Variants in GAB1 observed in about 807,000 individuals in gnomAD.
The protein encoded by GAB1 is GRB2 associated binding protein 1, also known as GRB2-associated-binding protein 1.
GAB1 carries 19 observed loss-of-function variants against 66.5 expected under a neutral mutation model. The observed-to-expected ratio is 0.29, with a 90% CI of 0.20 to 0.42. The LOEUF is 0.42. Among genes scored for constraint, GAB1 ranks in the 10% least tolerant of loss-of-function variants. The pLI is 1.00. For synonymous variants in GAB1, 294 were observed against 301.4 expected (o/e 0.98, Z 0.25); for missense variants, 732 against 858.5 (o/e 0.85, Z 1.84).
At chr4:143,399,152 G>A (rs994397443) in intron 1 of GAB1, among the ~76,000 whole-genome samples, 6 of 152,080 alleles carry the variant, frequency 3.9e-5, no homozygotes, top group African/African-American at 9.7e-5. Flanking sequence ...AGTTATTCAC[G>A]TCTAGGACAT....
At chr4:143,467,717 G>A (rs375542600) in intron 9 of GAB1, among the ~76,000 whole-genome samples, 12 of 152,146 alleles carry the variant, frequency 7.9e-5, no homozygotes, top group African/African-American at 2.7e-4. Context: ...GAACCAGGAG[G>A]TGCTACCATC....
At chr4:143,389,551 G>A (rs1320213317) in intron 1 of GAB1, among the ~76,000 whole-genome samples, 4 of 152,058 alleles carry the variant, frequency 2.6e-5, no homozygotes, top group Admixed American at 2.0e-4. Flanking sequence ...AAAGTGCAGG[G>A]GTCTCTTTTC....
intron 1 of GAB1, among the ~76,000 whole-genome samples, chr4:143,407,132 A>G (rs1244151641): frequency 6.6e-6 from 1 of 152,156 alleles, no homozygotes; most frequent in South Asian, 2.1e-4. Flanking sequence ...GAAACTATAC[A>G]ATATTACCTA....
intron 1 of GAB1, among the ~76,000 whole-genome samples, chr4:143,405,250 G>T (rs138869479): frequency 6.6e-6 from 1 of 152,072 alleles, no homozygotes; most frequent in Admixed American, 6.6e-5. Flanking sequence ...GAGAGACTAT[G>T]TAACTGTGTA....
chr4:143,460,501 T>G lies in GAB1; in HGVS notation c.1803+14T>G, dbSNP rs922140244. Reference sequence around the variant, plus strand: ...AGTGAAGACCCAGTATGTAAAGTTTTAACTTTTCCCTTTCTGAGCAGCCCT... The same window carrying G: ...AGTGAAGACCCAGTATGTAAAGTTTGAACTTTTCCCTTTCTGAGCAGCCCT... On this transcript the variant is annotated intron_variant, in intron 8 of 9. Transcript: ENST00000262994. 4.3e-6 allele frequency: 7 copies of G among 1,612,606 alleles called. No homozygotes were observed. In the African/African-American group the frequency reaches 8.0e-5, roughly 18 times the overall value.
chr4:143,414,010 A>G (rs1732544748), intron 1 of GAB1, among the ~76,000 whole-genome samples: 1 of 151,322 alleles, frequency 6.6e-6, no homozygotes, highest in Admixed American at 6.6e-5. Flanking sequence ...TTTAGTAGAG[A>G]CGGGGTTTCA....
At chr4:143,440,982 T>G (rs540430673) in intron 6 of GAB1, among the ~76,000 whole-genome samples, 1 of 152,318 alleles carries the variant, frequency 6.6e-6, no homozygotes, top group Admixed American at 6.5e-5. Flanking sequence ...TTTGACATAA[T>G]TATTTAAGAA....
chr4:143,445,710 T>C (rs1469601117), intron 6 of GAB1, among the ~76,000 whole-genome samples: 1 of 152,188 alleles, frequency 6.6e-6, no homozygotes, highest in Non-Finnish European at 1.5e-5. Context: ...CGAAAGCTTT[T>C]TCCAGGTCTA....
At chr4:143,425,375 A>T in intron 2 of GAB1, 1 of 760,230 alleles carries the variant, frequency 1.3e-6, no homozygotes, top group East Asian at 2.4e-5. Flanking sequence ...GAACCTTCAG[A>T]TGCAGACAGC....
chr4:143,425,945 G>A, intron 2 of GAB1: 2 of 928,298 alleles, frequency 2.2e-6, no homozygotes, highest in Non-Finnish European at 3.4e-6. Flanking sequence ...TTCTTGCACG[G>A]GTTCTTAAGC....
intron 2 of GAB1, among the ~76,000 whole-genome samples, chr4:143,426,767 C>T (rs1376292502): frequency 1.3e-5 from 2 of 151,990 alleles, no homozygotes; most frequent in East Asian, 1.9e-4. Flanking sequence ...ACTTCTTAGG[C>T]CCAGAAGGTT....
chr4:143,385,973 A>G (rs1730881516), intron 1 of GAB1, among the ~76,000 whole-genome samples: 1 of 151,634 alleles, frequency 6.6e-6, no homozygotes, highest in African/African-American at 2.4e-5. Flanking sequence ...AACCCTGTTT[A>G]TACAAAAATT....
At chr4:143,394,963 G>A (rs150697624) in intron 1 of GAB1, 2 of 152,270 alleles carry the variant, frequency 1.3e-5, no homozygotes, top group East Asian at 1.9e-4. Context: ...ATTAGCTGAT[G>A]GAGATGTTTG....
At chr4:143,433,086 G>C (rs1248544457) in intron 2 of GAB1, among the ~76,000 whole-genome samples, 1 of 152,282 alleles carries the variant, frequency 6.6e-6, no homozygotes, top group East Asian at 1.9e-4. Flanking sequence ...AGGACCACAG[G>C]CCTGGTAAAT....
chr4:143,377,099 T>G (rs1730452969), intron 1 of GAB1, among the ~76,000 whole-genome samples: 1 of 147,634 alleles, frequency 6.8e-6, no homozygotes. Flanking sequence ...GTCTGGTGGT[T>G]TTTTTTTTTT....
chr4:143,422,302 T>C (rs1733073898), intron 2 of GAB1, among the ~76,000 whole-genome samples: 3 of 152,296 alleles, frequency 2.0e-5, no homozygotes, highest in Admixed American at 6.5e-5. Flanking sequence ...CATTTAATTG[T>C]GAACATAAAG....
chr4:143,386,931 G>T (rs1049426122), intron 1 of GAB1, among the ~76,000 whole-genome samples: 24 of 152,122 alleles, frequency 1.6e-4, no homozygotes, highest in African/African-American at 5.6e-4. Context: ...CTTTACAGAA[G>T]ATTTTTTTGT....
At chr4:143,406,532 A>ATCTT (rs1363594949) in intron 1 of GAB1, among the ~76,000 whole-genome samples, 110 of 152,360 alleles carry the variant, frequency 7.2e-4, no homozygotes, top group African/African-American at 2.3e-3. Context: ...CAACTAACAG[A>ATCTT]GCCTTGGCCA....
In GAB1 at chr4:143,438,497, C is replaced by T; in HGVS notation, c.1092C>T (p.Arg364=). Residue 364 remains arginine, a synonymous_variant, in exon 4 of 10, where the codon CGC becomes CGT. Transcript: ENST00000262994. ...CTGTGGAAACGTGTAGTATCCCACG[C>T]ACCGCCTCAGACACTGACAGTAGTT... ...RSPVETCSIP[R]TASDTDSSYC... 2 of 1,614,058 alleles carry T rather than the reference C, an allele frequency of 1.2e-6. No homozygotes were observed. Among genetic ancestry groups the T allele is most frequent in the Non-Finnish European group, 1.7e-6 (2 of 1,179,982 alleles).
Sources: gnomAD v4.1 joint callset for allele counts (sites outside exome capture counted in the v4.1 genomes callset) on GRCh38, gnomAD v4.1.1 for gene constraint, MANE v1.5 for transcripts, NCBI Gene and HGNC (gene_info 2026-07-23, HGNC 2026-07-21) for gene names.